Variants in SMG1 observed in about 807,000 individuals in gnomAD.
SMG1 encodes SMG1 nonsense mediated mRNA decay associated PI3K related kinase.
A neutral mutation model predicts 419.9 loss-of-function variants in SMG1; 22 were observed. That is an observed-to-expected ratio of 0.05 (90% CI 0.04 to 0.07). SMG1 has a LOEUF of 0.07. Among genes scored for constraint, SMG1 ranks in the 10% least tolerant of loss-of-function variants. The pLI is 1.00. For missense variants in SMG1, 3,185 were observed against 4,342.0 expected (o/e 0.73, Z 7.49); for synonymous variants, 1,538 against 1,553.5 (o/e 0.99, Z 0.23).
chr16:18,921,906 T>C (rs1468175521), intron 1 of SMG1, among the ~76,000 whole-genome samples: 1 of 152,212 alleles, frequency 6.6e-6, no homozygotes, highest in Non-Finnish European at 1.5e-5. Flanking sequence ...CTTTTTATTA[T>C]ACAGTTTCAT....
chr16:18,872,328 G>A lies in SMG1; in HGVS notation c.2039C>T (p.Ser680Phe). 6.3e-7 allele frequency: 1 copy of A among 1,578,700 alleles called. No homozygotes were observed. Among genetic ancestry groups the A allele is most frequent in the Non-Finnish European group, 8.6e-7 (1 of 1,167,208 alleles). ...AGGAGAGGAAGAACTGAGGCTACTA[G>A]AGATAAAGTGATCATGCCTGAAAGA... ...SHCTRHDHFI[S>F]SSLSSSSPSL... Residue 680 changes from serine (S) to phenylalanine (F), a missense_variant, in exon 15 of 63, where the codon TCT becomes TTT. Physicochemically the swap from Ser to Phe is radical, Grantham distance 155. Around this residue, in one of 27 missense-constraint regions of SMG1, gnomAD observed 297 missense variants for 491.0 expected, o/e 0.60. Transcript: ENST00000446231.
intron 40 of SMG1, among the ~76,000 whole-genome samples, 158 bp from the exon 41 acceptor site, chr16:18,841,952 G>A (rs913524971): frequency 1.3e-5 from 2 of 152,192 alleles, no homozygotes; most frequent in African/African-American, 4.8e-5. Flanking sequence ...GATATTGGCA[G>A]TAGATATTAG....
rs528305221 is a variant in SMG1, at chr16:18,917,102, G to A, written c.92+8848C>T. Among the ~76,000 whole-genome samples the A allele has an allele frequency of 2.6e-5, 4 of 152,054 alleles. No homozygotes were observed. In the South Asian group the frequency reaches 8.3e-4, roughly 32 times the overall value. ...AACAAATGAGGGGCTTTTGCTTATGGAAATTCTCACATATTGAGCTGAACA... is the reference window on the plus strand; with the variant it reads ...AACAAATGAGGGGCTTTTGCTTATGAAAATTCTCACATATTGAGCTGAACA... On this transcript the variant is annotated intron_variant, in intron 1 of 62. Coordinates refer to ENST00000446231, the MANE Select transcript of SMG1 (RefSeq NM_015092.5).
In SMG1 at chr16:18,926,056, C is replaced by T; in HGVS notation, c.-15G>A. 6.4e-7 allele frequency: 1 copy of T among 1,560,538 alleles called. No individual in the cohort carries two copies. The highest frequency in any genetic ancestry group is 8.6e-7 in the Non-Finnish European group (1 of 1,162,574). The stretch of plus-strand genomic sequence containing the variant: ...CTGCGGCTCATTACCTTCCCCGACA[C>T]GACATGGCCAAGCGCCGCCGCCCAA... On this transcript the variant is annotated 5_prime_UTR_variant, in exon 1 of 63. In the 5' UTR this introduces an upstream ATG that the reference lacks. Transcript: ENST00000446231.
intron 51 of SMG1, among the ~76,000 whole-genome samples, chr16:18,831,629 G>T (rs1481747801): frequency 6.6e-6 from 1 of 151,184 alleles, no homozygotes; most frequent in Non-Finnish European, 1.5e-5. Context: ...GGGGGCATAC[G>T]TCCATAGTCC....
chr16:18,869,800 A>G (rs1397017107), intron 19 of SMG1, 54 bp downstream of exon 19: 2 of 1,507,482 alleles, frequency 1.3e-6, no homozygotes, highest in African/African-American at 1.4e-5. Context: ...ATGTAAAGTC[A>G]AAAGAATCTT....
intron 55 of SMG1, among the ~76,000 whole-genome samples, chr16:18,821,221 C>CTTTTTTTTTTTT (rs869238782): frequency 3.8e-3 from 136 of 35,582 alleles, no homozygotes; most frequent in South Asian, 5.9e-3. Flanking sequence ...TAGTATGTTT[C>CTTTTTTTTTTTT]TTTTTTTTTT....
At chr16:18,914,378 G>C (rs2037895386) in intron 1 of SMG1, among the ~76,000 whole-genome samples, 1 of 151,984 alleles carries the variant, frequency 6.6e-6, no homozygotes, top group South Asian at 2.1e-4. Flanking sequence ...AGTATGTTTA[G>C]AAATCTGTTG....
chr16:18,858,987 T>G (rs1228798352), intron 28 of SMG1, 35 bp downstream of exon 28: 3 of 1,240,116 alleles, frequency 2.4e-6, no homozygotes, highest in Admixed American at 5.4e-5. Context: ...TGACCATTAA[T>G]AGTCATAAGA....
chr16:18,841,397 C>CAA (rs149043036), intron 41 of SMG1, among the ~76,000 whole-genome samples, 168 bp downstream of exon 41: 1,364 of 105,294 alleles, frequency 0.013, 32 homozygotes, highest in African/African-American at 0.045. Flanking sequence ...GACTGTGTCT[C>CAA]AAAAAAAAAA....
At chr16:18,901,844 G>A (rs1448307586) in intron 1 of SMG1, among the ~76,000 whole-genome samples, 1 of 151,438 alleles carries the variant, frequency 6.6e-6, no homozygotes, top group Non-Finnish European at 1.5e-5. Context: ...CATGGTGACG[G>A]GCACCTGTAA....
Position 18,834,265 on chromosome 16 carries a change from G to A in SMG1, c.8504C>T (p.Pro2835Leu), listed in dbSNP as rs763907248. 12 of 1,610,510 alleles carry A rather than the reference G, an allele frequency of 7.5e-6. No individual in the cohort carries two copies. The highest frequency in any genetic ancestry group is 2.2e-5 in the South Asian group (2 of 90,316). Residue 2835 changes from proline to leucine, a missense_variant, in exon 50 of 63, where the codon CCG (proline) becomes CTG (leucine). Transcript: ENST00000446231. ...CHLVPQDLDI[P>L]NPMEASETVH... ...TGTCTCAGACGCTTCCATGGGGTTC[G>A]GGATATCTAAGTCCTGTGGCACCAG... is the stretch of plus-strand genomic sequence containing the variant.
chr16:18,882,846 T>G (rs956448924), intron 9 of SMG1, among the ~76,000 whole-genome samples: 2 of 152,198 alleles, frequency 1.3e-5, no homozygotes, highest in African/African-American at 4.8e-5. Flanking sequence ...TCGCAAAAAC[T>G]GGGATACTAG....
intron 34 of SMG1, 54 bp from the exon 35 acceptor site, chr16:18,850,180 T>C (rs2034509326): frequency 6.3e-7 from 1 of 1,587,376 alleles, no homozygotes; most frequent in Admixed American, 1.8e-5. Flanking sequence ...AACACTACTT[T>C]TGTTTAATAA....
At chr16:18,831,788 T>TAC (rs1567332860) in intron 51 of SMG1, among the ~76,000 whole-genome samples, 3 of 146,662 alleles carry the variant, frequency 2.0e-5, no homozygotes, top group Non-Finnish European at 3.0e-5. Flanking sequence ...TATATATATA[T>TAC]ATACACACAC....
intron 41 of SMG1, 114 bp downstream of exon 41, chr16:18,841,451 G>T: frequency 7.5e-6 from 6 of 795,942 alleles, no homozygotes; most frequent in African/African-American, 1.8e-5. Flanking sequence ...GGGACCTCAA[G>T]TCTTTTCCTT....
At chr16:18,908,367 A>C (rs1052643333) in intron 1 of SMG1, among the ~76,000 whole-genome samples, 48 of 146,816 alleles carry the variant, frequency 3.3e-4, no homozygotes, top group Non-Finnish European at 2.0e-4. Flanking sequence ...TCAGTCTCCA[A>C]AAAAAAAAAA....
chr16:18,893,054 C>T (rs998598382), intron 3 of SMG1, among the ~76,000 whole-genome samples: 28 of 152,158 alleles, frequency 1.8e-4, no homozygotes, highest in African/African-American at 4.6e-4. Flanking sequence ...CCAAGGGGTA[C>T]GGATAAAGTC....
At chr16:18,818,754 G>A (rs545856179) in intron 56 of SMG1, among the ~76,000 whole-genome samples, 22 of 134,960 alleles carry the variant, frequency 1.6e-4, no homozygotes, top group South Asian at 1.2e-3. Flanking sequence ...GAAAATGTCC[G>A]TAATAGTTTT....
Sources: gnomAD v4.1 joint callset for allele counts (sites outside exome capture counted in the v4.1 genomes callset) on GRCh38, gnomAD v4.1.1 for gene constraint, gnomAD v4.1.1 regional missense constraint, MANE v1.5 for transcripts, NCBI Gene and HGNC (gene_info 2026-07-23, HGNC 2026-07-21) for gene names.